DAB1: variants seen among roughly 807,000 people sequenced by gnomAD.
The protein encoded by DAB1 is disabled homolog 1.
Under a neutral mutation model 64.6 loss-of-function variants are expected in DAB1, and 15 were observed. That is an observed-to-expected ratio of 0.23 (90% confidence interval 0.16 to 0.36). The LOEUF is 0.36. Among genes scored for constraint, DAB1 ranks in the 10% least tolerant of loss-of-function variants. The probability of loss-of-function intolerance (pLI) is 1.00; values close to 1 mark genes in which losing one functional copy is unlikely to be tolerated. For synonymous variants in DAB1, 235 were observed against 251.9 expected, an observed-to-expected ratio of 0.93 and a Z score of 0.64; for missense variants, 596 against 706.7, an observed-to-expected ratio of 0.84 and a Z score of 1.78.
intron 7 of DAB1, among the ~76,000 whole-genome samples, chr1:57,485,534 C>G (rs373214793): frequency 6.6e-6 from 1 of 152,118 alleles, no homozygotes; most frequent in African/African-American, 2.4e-5. Flanking sequence ...CACTGCCAAC[C>G]TTTTCTATCC....
chr1:58,277,654 C>T (rs1480536404), intron 4 of DAB1, among the ~76,000 whole-genome samples: 1 of 152,108 alleles, frequency 6.6e-6, no homozygotes, highest in African/African-American at 2.4e-5. Context: ...CAGATCCCTG[C>T]TGTGGTGGAA....
intron 6 of DAB1, among the ~76,000 whole-genome samples, chr1:57,714,223 A>G (rs1396303037): frequency 1.3e-5 from 2 of 152,220 alleles, no homozygotes; most frequent in African/African-American, 4.8e-5. Flanking sequence ...AGGTAAGTAT[A>G]ATTATTTTTA....
At position 57,059,699 on chromosome 1, in the gene DAB1, A is replaced by G. The variant is rs35111731; in HGVS notation, c.723+3185T>C. ...CTTGGGCAAGTGGGATCAACTTTCC[A>G]ATACATAAACTACTCTGACCTCTAA... is the stretch of plus-strand genomic sequence containing the variant. On this transcript the variant is annotated intron_variant, in intron 9 of 14. Coordinates refer to ENST00000371236, the MANE Select transcript of DAB1 (RefSeq NM_001365792.1). Among the ~76,000 whole-genome samples the G allele has an allele frequency of 4.1e-3, 621 of 151,876 alleles. 4 individuals carry two copies. Among genetic ancestry groups the G allele is most frequent in the South Asian group, 0.022 (103 of 4,750 alleles).
intron 1 of DAB1, among the ~76,000 whole-genome samples, chr1:57,848,548 T>C (rs993946343): frequency 4.6e-5 from 7 of 152,134 alleles, no homozygotes; most frequent in African/African-American, 1.7e-4. Flanking sequence ...CACAGCCTTG[T>C]GAAGTTGGGG....
At chr1:57,314,103 T>G (rs1674975359) in intron 1 of DAB1, among the ~76,000 whole-genome samples, 1 of 152,218 alleles carries the variant, frequency 6.6e-6, no homozygotes, top group African/African-American at 2.4e-5. Context: ...AAAACAGGAT[T>G]CTGCATCTTT....
intron 1 of DAB1, among the ~76,000 whole-genome samples, chr1:58,529,771 G>T (rs1646404657): frequency 6.6e-6 from 1 of 152,066 alleles, no homozygotes; most frequent in African/African-American, 2.4e-5. Context: ...AATATATATA[G>T]TAAAATAACT....
chr1:57,147,619 C>T (rs1425341657), intron 2 of DAB1, among the ~76,000 whole-genome samples: 1 of 152,108 alleles, frequency 6.6e-6, no homozygotes, highest in Non-Finnish European at 1.5e-5. Context: ...GGGACATTTG[C>T]CATAATACAC....
intron 5 of DAB1, among the ~76,000 whole-genome samples, chr1:58,068,456 A>T (rs576208879): frequency 7.7e-4 from 118 of 152,308 alleles, no homozygotes; most frequent in African/African-American, 2.8e-3. Context: ...CCTCAAAAGA[A>T]AGATTATAGG....
chr1:57,466,268 A>G (rs1686951406), intron 7 of DAB1, among the ~76,000 whole-genome samples: 1 of 152,226 alleles, frequency 6.6e-6, no homozygotes, highest in East Asian at 1.9e-4. Flanking sequence ...TAATTTCTGT[A>G]GCCACATCAA....
chr1:57,812,363 A>G (rs1165894985), intron 6 of DAB1, among the ~76,000 whole-genome samples: 1 of 151,946 alleles, frequency 6.6e-6, no homozygotes, highest in African/African-American at 2.4e-5. Flanking sequence ...AAAGAAAGAA[A>G]GAAAAAAGGC....
intron 6 of DAB1, among the ~76,000 whole-genome samples, chr1:57,654,712 CT>C (rs1438238241): frequency 1.4e-5 from 1 of 73,732 alleles, no homozygotes; most frequent in African/African-American, 6.2e-5. Context: ...AAATAACTAA[CT>C]GTTTCATTTA....
chr1:57,826,625 A>G (rs1652362313), intron 1 of DAB1, among the ~76,000 whole-genome samples: 1 of 152,234 alleles, frequency 6.6e-6, no homozygotes, highest in East Asian at 1.9e-4. Flanking sequence ...AATTCCTGCC[A>G]GAAGGTGAAG....
chr1:58,051,205 C>A (rs1422170924), intron 5 of DAB1, among the ~76,000 whole-genome samples: 1 of 151,870 alleles, frequency 6.6e-6, no homozygotes, highest in East Asian at 1.9e-4. Flanking sequence ...CCCAGCCCCC[C>A]AGCCCCCGAT....
intron 7 of DAB1, among the ~76,000 whole-genome samples, chr1:57,502,599 TATA>T (rs1446272045): frequency 6.6e-6 from 1 of 152,180 alleles, no homozygotes; most frequent in Admixed American, 6.5e-5. Context: ...CCTTATCACA[TATA>T]ATAATGTTTG....
At chr1:57,848,276 T>C (rs1653373987) in intron 1 of DAB1, among the ~76,000 whole-genome samples, 1 of 152,246 alleles carries the variant, frequency 6.6e-6, no homozygotes, top group Non-Finnish European at 1.5e-5. Context: ...ACACTAATGA[T>C]ATCTAAACCT....
In DAB1 at chr1:56,996,954, A is replaced by AAGGT. The variant is rs1645648276; in HGVS notation, c.*1186_*1189dup. 1 of 151,974 alleles carries AAGGT rather than the reference A, an allele frequency of 6.6e-6. No homozygotes were observed. Among genetic ancestry groups the AAGGT allele is most frequent in the Admixed American group, 6.5e-5 (1 of 15,268 alleles). The allele number at this position is 151,974 out of a possible 1,614,324, so 9.4% of individuals were successfully genotyped here. ...TTAAATATTTAAAGAGTTTAATGGT[A>AAGGT]AGGTTTTTTTTTCAAGTTATAAAAT... On this transcript the variant is annotated 3_prime_UTR_variant, in exon 15 of 15. Transcript: ENST00000371236.
At chr1:57,386,483 A>G (rs1681865376) in intron 1 of DAB1, 1 of 152,090 alleles carries the variant, frequency 6.6e-6, no homozygotes. Flanking sequence ...AACTGGTAAC[A>G]AAACAACCTG....
At chr1:58,130,915 T>G (rs1337055669) in intron 5 of DAB1, among the ~76,000 whole-genome samples, 1 of 151,332 alleles carries the variant, frequency 6.6e-6, no homozygotes, top group East Asian at 1.9e-4. Flanking sequence ...TCCACTTTGG[T>G]GAATCTGACA....
intron 4 of DAB1, among the ~76,000 whole-genome samples, chr1:58,341,291 C>G (rs1051438977): frequency 6.6e-6 from 1 of 152,128 alleles, no homozygotes; most frequent in Admixed American, 6.6e-5. Context: ...TGCTCTGAAG[C>G]CGTAACAGGA....
Sources: gnomAD v4.1 joint callset for allele counts (sites outside exome capture counted in the v4.1 genomes callset) on GRCh38, gnomAD v4.1.1 for gene constraint, MANE v1.5 for transcripts, NCBI Gene and HGNC (gene_info 2026-07-23, HGNC 2026-07-21) for gene names.